MBD3: variants seen among roughly 807,000 people sequenced by gnomAD.
MBD3 encodes methyl-CpG-binding domain protein 3.
A neutral mutation model predicts 31.2 loss-of-function variants in MBD3; 13 were observed. The observed-to-expected ratio is 0.42, with a 90% CI of 0.27 to 0.66. The LOEUF (loss-of-function observed/expected upper bound fraction) is 0.66. MBD3 is among the 30% of genes least tolerant of loss of function. MBD3 has a pLI of 0.26. For missense variants in MBD3, 440 were observed against 426.5 expected, an observed-to-expected ratio of 1.03 and a Z score of -0.28; for synonymous variants, 223 against 187.4, an observed-to-expected ratio of 1.19 and a Z score of -1.55.
intron 3 of MBD3, among the ~76,000 whole-genome samples, chr19:1,583,556 A>G (rs889837634): frequency 2.6e-5 from 4 of 152,012 alleles, no homozygotes; most frequent in Non-Finnish European, 5.9e-5. Context: ...GGGGAAAAAA[A>G]ATAAATAAAT....
chr19:1,581,771 C>CTT lies in MBD3; in HGVS notation c.500-504_500-503dup, dbSNP rs35312920. On this transcript the variant is annotated intron_variant, in intron 4 of 6. Coordinates refer to ENST00000434436, the MANE Select transcript of MBD3 (RefSeq NM_001281453.2). ...TTTGAGATGGGGTCTTGCTCTGTAT[C>CTT]TTTTTTTTTTTTTTTTGAGACGGAG... 4.8e-3 allele frequency: 773 copies of CTT among 162,180 alleles called. 12 individuals carry two copies. Among genetic ancestry groups the CTT allele is most frequent in the South Asian group, 0.022 (174 of 7,760 alleles). 10.0% of individuals were successfully genotyped at this position (162,180 alleles called of 1,614,324 possible).
chr19:1,591,474 C>G (rs1029675400), intron 1 of MBD3, among the ~76,000 whole-genome samples: 1 of 152,064 alleles, frequency 6.6e-6, no homozygotes, highest in Admixed American at 6.6e-5. Context: ...CTCCTTGGCT[C>G]GTGGAAACCA....
chr19:1,580,450 T>C (rs995435794), intron 5 of MBD3, among the ~76,000 whole-genome samples: 5 of 152,234 alleles, frequency 3.3e-5, no homozygotes, highest in Non-Finnish European at 7.3e-5. Flanking sequence ...TCCTTCTTTC[T>C]GGAACCGTCA....
intron 1 of MBD3, among the ~76,000 whole-genome samples, chr19:1,590,419 C>A (rs1338388800): frequency 6.6e-6 from 1 of 152,128 alleles, no homozygotes; most frequent in Non-Finnish European, 1.5e-5. Context: ...TCCAGGAATT[C>A]GAGACCAGTC....
At chr19:1,581,988 C>T (rs567533985) in intron 4 of MBD3, among the ~76,000 whole-genome samples, 77 of 152,146 alleles carry the variant, frequency 5.1e-4, no homozygotes, top group African/African-American at 1.8e-3. Flanking sequence ...AGGATGATCT[C>T]GATCTCCTGA....
In MBD3 at chr19:1,578,400, C is replaced by T; in HGVS notation, c.816G>A (p.Glu272=). ...CCTCCTCCTCCTCCTCCTCGTCTTC[C>T]TCGTCGTCGTCCTCAGCGCAGGCCT... The part of the protein sequence containing the change: ...LDKACAEDDD[E]EDEEEEEEEP... Residue 272 remains glutamate (E), a synonymous_variant, in exon 6 of 7, where the codon GAG becomes GAA. Coordinates refer to ENST00000434436, the MANE Select transcript of MBD3 (RefSeq NM_001281453.2). The surrounding 1 kb of genome is among the most constrained non-coding windows in gnomAD (Gnocchi z 6.1). 2 of 1,604,394 alleles carry T rather than the reference C, an allele frequency of 1.2e-6. No individual in the cohort carries two copies. Among genetic ancestry groups the T allele is most frequent in the Non-Finnish European group, 1.7e-6 (2 of 1,179,678 alleles).
intron 1 of MBD3, 93 bp downstream of exon 1, chr19:1,592,429 C>T: frequency 7.8e-6 from 3 of 386,820 alleles, no homozygotes; most frequent in Non-Finnish European, 1.2e-5. Context: ...GCGCGGGGCC[C>T]AGGCCGCGGC....
chr19:1,592,540 C>A lies in MBD3; in HGVS notation c.92G>T (p.Arg31Met). The A allele has an allele frequency of 1.4e-6, 2 of 1,436,598 alleles. No homozygotes were observed. The highest frequency in any genetic ancestry group is 1.2e-5 in the South Asian group (1 of 85,224). 89.0% of individuals were successfully genotyped at this position (1,436,598 alleles called of 1,614,324 possible). A position where few individuals can be genotyped will look rare whatever the true frequency, so the allele number is the denominator to read the frequency against. ...PRRSGLSAGH[R>M]DVFYYSPSGK... ...CATTCACCTATAGTAAAAGACATCC[C>A]TGTGGCCGGCCGACAGCCCCGACCT... is the stretch of plus-strand genomic sequence containing the variant. Residue 31 changes from arginine to methionine, a missense_variant, in exon 1 of 7, where the codon AGG (arginine) becomes ATG (methionine). Physicochemically the swap from Arg to Met is moderately conservative, Grantham distance 91. Transcript: ENST00000434436.
chr19:1,585,374 C>A lies in MBD3; in HGVS notation c.111-160G>T. On this transcript the variant is annotated intron_variant, in intron 1 of 6. Transcript: ENST00000434436. The surrounding 1 kb of genome is among the most constrained non-coding windows in gnomAD (Gnocchi z 4.1). The stretch of plus-strand genomic sequence containing the variant: ...ACCCCAAACCCAGGCAGGCCCTGGC[C>A]CCAGCCCCAGACCCCAACCCTGGCG... 1.3e-6 allele frequency: 1 copy of A among 742,084 alleles called. No homozygotes were observed. Among genetic ancestry groups the A allele is most frequent in the Non-Finnish European group, 2.2e-6 (1 of 461,068 alleles). 46.0% of individuals were successfully genotyped at this position (742,084 alleles called of 1,614,324 possible).
rs1917344875 is a variant in MBD3 at position 1,581,184 on chromosome 19, C to T, written c.585G>A (p.Gln195=). 2 of 1,614,090 alleles carry T rather than the reference C, an allele frequency of 1.2e-6. No homozygotes were observed. Among genetic ancestry groups the T allele is most frequent in the Non-Finnish European group, 1.7e-6 (2 of 1,180,022 alleles). Residue 195 remains glutamine (Q), a synonymous_variant, in exon 5 of 7, where the codon CAG becomes CAA. Transcript: ENST00000434436. ...GGTTCTTCTCCACGGCGGCCGAGAG[C>T]TGTCCCGTGATGGGCATGGTGCTAG... is the stretch of plus-strand genomic sequence containing the variant. ...LHTSTMPITG[Q]LSAAVEKNPG... is the part of the protein sequence containing the mutation.
chr19:1,586,189 C>G (rs1360390572), intron 1 of MBD3: 1 of 152,104 alleles, frequency 6.6e-6, no homozygotes, highest in African/African-American at 2.4e-5. Context: ...TCCACACCAT[C>G]ACTTCTACAC....
chr19:1,585,295 T>TCCCAGC lies in MBD3; in HGVS notation c.111-87_111-82dup, dbSNP rs1006772425. ...GCCTCGGCCGCAGACCCAAACCCAG[T>TCCCAGC]CCCAGCCCCAGCTTCAGGTCGCGAC... On this transcript the variant is annotated intron_variant, in intron 1 of 6. Transcript: ENST00000434436. The surrounding 1 kb of genome is among the most constrained non-coding windows in gnomAD (Gnocchi z 4.1). 4 of 1,471,172 alleles carry TCCCAGC rather than the reference T, an allele frequency of 2.7e-6. No homozygotes were observed. The highest frequency in any genetic ancestry group is 2.5e-5 in the East Asian group (1 of 40,116). The allele number at this position is 1,471,172 out of a possible 1,614,324, so 91.1% of individuals were successfully genotyped here.
intron 5 of MBD3, among the ~76,000 whole-genome samples, 168 bp downstream of exon 5, chr19:1,580,924 C>T (rs550920751): frequency 7.7e-4 from 117 of 152,300 alleles, no homozygotes; most frequent in Admixed American, 3.7e-3. Flanking sequence ...GCGGGTGAAA[C>T]GGTTCATACT....
intron 5 of MBD3, among the ~76,000 whole-genome samples, chr19:1,580,215 A>G (rs139238670): frequency 6.6e-6 from 1 of 152,214 alleles, no homozygotes; most frequent in Non-Finnish European, 1.5e-5. Flanking sequence ...AACCCAAAAG[A>G]GGGGGCCCAG....
At chr19:1,582,350 G>T (rs79881336) in intron 4 of MBD3, among the ~76,000 whole-genome samples, 1 of 152,302 alleles carries the variant, frequency 6.6e-6, no homozygotes, top group East Asian at 1.9e-4. Flanking sequence ...ACGTCCTGCA[G>T]GTGAAAACAG....
At position 1,578,120 on chromosome 19, in the gene MBD3, G is replaced by A; in HGVS notation, c.*44C>T. On this transcript the variant is annotated 3_prime_UTR_variant, in exon 7 of 7. Transcript: ENST00000434436. The surrounding 1 kb of genome is among the most constrained non-coding windows in gnomAD (Gnocchi z 6.1). ...CGTGGGGCCGAGGACCGCGTCTGCA[G>A]GCGGCTCCAGCAGGCAGCACGGGCT... 2 of 699,062 alleles carry A rather than the reference G, an allele frequency of 2.9e-6. No homozygotes were observed. The highest frequency in any genetic ancestry group is 4.7e-6 in the Non-Finnish European group (2 of 426,138). The allele number at this position is 699,062 out of a possible 1,614,324, so 43.3% of individuals were successfully genotyped here. A position where few individuals can be genotyped will look rare whatever the true frequency, so the allele number is the denominator to read the frequency against.
chr19:1,574,614 GT>G lies in MBD3; in HGVS notation c.*3549del, dbSNP rs1261673711. 1 of 152,942 alleles carries G rather than the reference GT, an allele frequency of 6.5e-6. No individual in the cohort carries two copies. Among genetic ancestry groups the G allele is most frequent in the Non-Finnish European group, 1.5e-5 (1 of 68,538 alleles). The allele number at this position is 152,942 out of a possible 1,614,324, so 9.5% of individuals were successfully genotyped here. ...TCATCCCTGGATGGGCACTTGACTT[GT>G]TTACACTTTTTGGACCCCTTGAATC... is the stretch of plus-strand genomic sequence containing the variant. On this transcript the variant is annotated 3_prime_UTR_variant, in exon 7 of 7. Transcript: ENST00000434436.
rs1231551002 is a variant in MBD3 at position 1,576,179 on chromosome 19, GTC to G, written c.*1983_*1984del. On this transcript the variant is annotated 3_prime_UTR_variant, in exon 7 of 7. Coordinates refer to ENST00000434436, the MANE Select transcript of MBD3 (RefSeq NM_001281453.2). ...GGAGATGGGAAGAGGGAAACAGAGT[GTC>G]TCTGAGTGCCGGGCAGATGAGGGGA... 1 of 152,586 alleles carries G rather than the reference GTC, an allele frequency of 6.6e-6. No individual in the cohort carries two copies. The highest frequency in any genetic ancestry group is 1.5e-5 in the Non-Finnish European group (1 of 68,370). The allele number at this position is 152,586 out of a possible 1,614,324, so 9.5% of individuals were successfully genotyped here.
In MBD3 at chr19:1,589,640, G is replaced by A. The variant is rs139049474; in HGVS notation, c.110+2882C>T. Among the ~76,000 whole-genome samples, 531 of 152,154 alleles carry A rather than the reference G, an allele frequency of 3.5e-3. 3 individuals carry two copies. Among genetic ancestry groups the A allele is most frequent in the African/African-American group, 0.011 (475 of 41,490 alleles). The stretch of plus-strand genomic sequence containing the variant: ...TGCATTCCACCCTGGGTGACAAAGC[G>A]GGACTACTTCTCAAAATAAATAAAT... On this transcript the variant is annotated intron_variant, in intron 1 of 6. Coordinates refer to ENST00000434436, the MANE Select transcript of MBD3 (RefSeq NM_001281453.2).
Sources: gnomAD v4.1 joint callset for allele counts (sites outside exome capture counted in the v4.1 genomes callset) on GRCh38, gnomAD v4.1.1 for gene constraint, Gnocchi (gnomAD v3.1) non-coding constraint, MANE v1.5 for transcripts, NCBI Gene and HGNC (gene_info 2026-07-23, HGNC 2026-07-21) for gene names.